The following MBNL1 variants were observed in gnomAD, a reference collection of about 807,000 sequenced individuals.
MBNL1 encodes muscleblind like splicing regulator 1, also known as muscleblind-like protein 1.
A neutral mutation model predicts 42.2 loss-of-function variants in MBNL1; 8 were observed. The ratio of observed to expected loss-of-function variants is 0.19; its 90% CI spans 0.11 to 0.34. MBNL1 has a LOEUF of 0.34. Ranked by LOEUF, MBNL1 falls within the 10% of genes least tolerant of loss-of-function variation. The probability of loss-of-function intolerance (pLI) is 1.00; values close to 1 mark genes in which losing one functional copy is unlikely to be tolerated. For missense variants in MBNL1, 309 were observed against 495.3 expected (o/e 0.62, Z 3.57); for synonymous variants, 169 against 173.9 (o/e 0.97, Z 0.22).
At chr3:152,273,004 C>T (rs1432268276) in intron 1 of MBNL1, among the ~76,000 whole-genome samples, 1 of 152,070 alleles carries the variant, frequency 6.6e-6, no homozygotes, top group Non-Finnish European at 1.5e-5. Context: ...GGGAGGTTAG[C>T]TAGTTTGTAT....
chr3:152,412,033 T>A (rs1332717378), intron 2 of MBNL1, among the ~76,000 whole-genome samples: 4 of 152,202 alleles, frequency 2.6e-5, no homozygotes, highest in African/African-American at 9.7e-5. Context: ...GTGATGCTAC[T>A]AAGGGCTCAG....
chr3:152,361,491 T>C (rs958184116), intron 2 of MBNL1, among the ~76,000 whole-genome samples: 5 of 150,970 alleles, frequency 3.3e-5, no homozygotes, highest in Admixed American at 2.0e-4. Flanking sequence ...ATGAAAAAGA[T>C]ACAAGATGTT....
At chr3:152,315,643 T>TAA (rs1214756510) in intron 2 of MBNL1, among the ~76,000 whole-genome samples, 1 of 148,712 alleles carries the variant, frequency 6.7e-6, no homozygotes, top group East Asian at 1.9e-4. Context: ...ACACTTAATG[T>TAA]AAAAAAAAAA....
chr3:152,307,432 C>A (rs1212592546), intron 2 of MBNL1, among the ~76,000 whole-genome samples: 1 of 152,200 alleles, frequency 6.6e-6, no homozygotes, highest in Admixed American at 6.5e-5. Flanking sequence ...TCCACAAATA[C>A]ACTTTCTTAT....
intron 2 of MBNL1, among the ~76,000 whole-genome samples, chr3:152,362,155 A>T (rs2096012422): frequency 6.6e-6 from 1 of 152,196 alleles, no homozygotes. Flanking sequence ...GTGATTCTGG[A>T]GGTTTTATAA....
rs144569676 is a variant in MBNL1 at position 152,245,870 on chromosome 3, T to C, written n.333+1430T>C. 6.2e-3 allele frequency among the ~76,000 whole-genome samples: 946 copies of C among 152,276 alleles called. 9 individuals are homozygous for C. Among genetic ancestry groups the C allele is most frequent in the African/African-American group, 0.022 (896 of 41,562 alleles). ...GATGAAAATTTTAAAATTAAGTTGA[T>C]GGTTGTTAGAAATCCGTTACAATTG... is the stretch of plus-strand genomic sequence containing the variant. On this transcript the variant is annotated intron_variant and non_coding_transcript_variant, in intron 2 of 2. Coordinates refer to the MBNL1 transcript ENST00000477171.
intron 2 of MBNL1, among the ~76,000 whole-genome samples, chr3:152,377,866 A>C (rs1038234800): frequency 4.1e-4 from 63 of 152,334 alleles, no homozygotes; most frequent in African/African-American, 1.5e-3. Context: ...GGATTCTTGG[A>C]AACTATGACT....
At chr3:152,275,779 A>T (rs1005955451) in intron 1 of MBNL1, among the ~76,000 whole-genome samples, 2 of 151,174 alleles carry the variant, frequency 1.3e-5, no homozygotes, top group African/African-American at 4.8e-5. Flanking sequence ...AACGGACCTC[A>T]TTAGAGGATA....
intron 2 of MBNL1, among the ~76,000 whole-genome samples, chr3:152,301,242 A>G (rs1411573203): frequency 1.3e-5 from 2 of 152,228 alleles, no homozygotes; most frequent in African/African-American, 4.8e-5. Flanking sequence ...TTAAAAGATA[A>G]CATAAATATC....
At chr3:152,250,226 C>T (rs1353165923) in intron 2 of MBNL1, among the ~76,000 whole-genome samples, 5 of 151,130 alleles carry the variant, frequency 3.3e-5, no homozygotes, top group African/African-American at 7.3e-5. Context: ...GCCATTTTCA[C>T]GATATTGATT....
At chr3:152,398,669 C>A (rs2098089558) in intron 2 of MBNL1, among the ~76,000 whole-genome samples, 1 of 152,156 alleles carries the variant, frequency 6.6e-6, no homozygotes, top group Non-Finnish European at 1.5e-5. Flanking sequence ...TTAGCCACTT[C>A]AAGCCCTCTT....
chr3:152,442,963 TAAAAA>T (rs3839087), intron 4 of MBNL1, among the ~76,000 whole-genome samples: 22 of 151,106 alleles, frequency 1.5e-4, no homozygotes, highest in African/African-American at 5.4e-4. Context: ...CCGTAAGCTG[TAAAAA>T]AAAATAAAAA....
intron 2 of MBNL1, among the ~76,000 whole-genome samples, chr3:152,395,662 GGATGGATT>G (rs562305101): frequency 6.4e-4 from 97 of 152,310 alleles, no homozygotes; most frequent in Middle Eastern, 3.4e-3. Context: ...AGCATTGGAT[GGATGGATT>G]ATCTTTGCTT....
At position 152,445,364 on chromosome 3, in the gene MBNL1, T is replaced by C. The variant is rs1210361767; in HGVS notation, c.632T>C (p.Ile211Thr). The C allele has an allele frequency of 6.2e-7, 1 of 1,614,074 alleles. No individual in the cohort carries two copies. Among genetic ancestry groups the C allele is most frequent in the Non-Finnish European group, 8.5e-7 (1 of 1,179,974 alleles). Residue 211 changes from isoleucine (I) to threonine (T), a missense_variant, in exon 5 of 10, where the codon ATT (isoleucine) becomes ACT (threonine). Transcript: ENST00000324210. ...RFAHPADSTM[I>T]DTNDNTVTVC... Reference sequence around the variant, plus strand: ...GCTCATCCTGCTGACAGCACAATGATTGACACCAATGACAACACAGTCACT... The same window carrying C: ...GCTCATCCTGCTGACAGCACAATGACTGACACCAATGACAACACAGTCACT...
chr3:152,258,819 C>T (rs2035826422), intron 2 of MBNL1, among the ~76,000 whole-genome samples: 1 of 152,192 alleles, frequency 6.6e-6, no homozygotes, highest in African/African-American at 2.4e-5. Context: ...TTCTTTCTAA[C>T]AATTAATTTT....
intron 1 of MBNL1, among the ~76,000 whole-genome samples, chr3:152,270,845 G>C (rs1371968869): frequency 6.6e-6 from 1 of 152,042 alleles, no homozygotes; most frequent in Non-Finnish European, 1.5e-5. Context: ...TGTAGGCATA[G>C]CTTTTTTAGT....
Position 152,417,273 on chromosome 3 carries a change from G to A in MBNL1, c.345+2162G>A, listed in dbSNP as rs533558107. Among the ~76,000 whole-genome samples, 4 of 152,234 alleles carry A rather than the reference G, an allele frequency of 2.6e-5. No homozygotes were observed. The South Asian group carries it at 8.3e-4, about 32-fold the overall frequency. Reference sequence around the variant, plus strand: ...AATGGTCATAATCAGCTGCTTACTGGGAGTTTAATGTGGGCCTTACAAATA... The same window carrying A: ...AATGGTCATAATCAGCTGCTTACTGAGAGTTTAATGTGGGCCTTACAAATA... On this transcript the variant is annotated intron_variant, in intron 3 of 9. Transcript: ENST00000324210.
intron 8 of MBNL1, chr3:152,458,273 G>A: frequency 7.9e-7 from 1 of 1,260,570 alleles, no homozygotes; most frequent in Non-Finnish European, 1.2e-6. Context: ...AATGTCAGCT[G>A]AGAACTGGAA....
intron 2 of MBNL1, among the ~76,000 whole-genome samples, chr3:152,345,814 G>T (rs2094144910): frequency 6.6e-6 from 1 of 152,038 alleles, no homozygotes; most frequent in Non-Finnish European, 1.5e-5. Context: ...CCTTGGGTAG[G>T]TTACTTGACC....
Sources: gnomAD v4.1 joint callset for allele counts (sites outside exome capture counted in the v4.1 genomes callset) on GRCh38, gnomAD v4.1.1 for gene constraint, MANE v1.5 for transcripts, NCBI Gene and HGNC (gene_info 2026-07-23, HGNC 2026-07-21) for gene names.